Variants in ADAMTS13 observed in about 807,000 individuals in gnomAD.
ADAMTS13 encodes the protein ADAM metallopeptidase with thrombospondin type 1 motif 13, also known as A disintegrin and metalloproteinase with thrombospondin motifs 13.
A neutral mutation model predicts 155.1 loss-of-function variants in ADAMTS13; 110 were observed. The ratio of observed to expected loss-of-function variants is 0.71; its 90% confidence interval spans 0.61 to 0.83. The LOEUF (loss-of-function observed/expected upper bound fraction) is 0.83. Ranked by LOEUF, ADAMTS13 falls within the 40% of genes least tolerant of loss-of-function variation. ADAMTS13 has a pLI of 0.00. For synonymous variants in ADAMTS13, 758 were observed against 756.4 expected (o/e 1.00, Z -0.03); for missense variants, 1,707 against 1,891.7 (o/e 0.90, Z 1.81).
chr9:133,420,091 A>G (rs1462021412), upstream of ADAMTS13, among the ~76,000 whole-genome samples: 1 of 152,078 alleles, frequency 6.6e-6, no homozygotes, highest in Non-Finnish European at 1.5e-5. Context: ...TTTAGTAGAG[A>G]TGGGGTTTCT....
At chr9:133,418,552 C>T (rs1564402057), upstream of ADAMTS13, among the ~76,000 whole-genome samples, 1 of 152,218 alleles carries the variant, frequency 6.6e-6, no homozygotes, top group South Asian at 2.1e-4. Context: ...TCGGCAGACT[C>T]ACGTCTCCAA....
chr9:133,428,841 C>T (rs963520231), intron 7 of ADAMTS13, 70 bp downstream of exon 7: 19 of 1,206,516 alleles, frequency 1.6e-5, no homozygotes, highest in Non-Finnish European at 1.9e-5. Flanking sequence ...CGCCACCTCT[C>T]TCTACGTCCG....
rs148497607 is a variant in ADAMTS13 at position 133,435,498 on chromosome 9, CTT to C, written c.1309-1321_1309-1320del. ...GCCACCGCTCCCGGCCTATGTTTGA[CTT>C]TTTTTTTTTCTTATTTTTTTCTTTC... On this transcript the variant is annotated intron_variant, in intron 11 of 28. Coordinates refer to ENST00000355699, the MANE Select transcript of ADAMTS13 (RefSeq NM_139027.6). Among the ~76,000 whole-genome samples, 22 of 143,210 alleles carry C rather than the reference CTT, an allele frequency of 1.5e-4. 1 individual carries two copies. Among genetic ancestry groups the C allele is most frequent in the Admixed American group, 1.2e-3 (18 of 14,466 alleles). The allele number at this position is 143,210 out of a possible 152,430, so 94.0% of individuals were successfully genotyped here.
intron 12 of ADAMTS13, among the ~76,000 whole-genome samples, chr9:133,437,401 C>T (rs897824391): frequency 2.6e-5 from 4 of 152,130 alleles, no homozygotes; most frequent in Non-Finnish European, 4.4e-5. Context: ...GGACTACAGG[C>T]TTGCACTACC....
rs1554791253 is a variant in ADAMTS13 at position 133,442,683 on chromosome 9, A to G, written c.2174A>G (p.Gln725Arg). 1.9e-6 allele frequency: 3 copies of G among 1,612,956 alleles called. No homozygotes were observed. Among genetic ancestry groups the G allele is most frequent in the Non-Finnish European group, 2.5e-6 (3 of 1,180,010 alleles). Residue 725 changes from glutamine to arginine, a missense_variant, in exon 18 of 29, where the codon CAA (glutamine) becomes CGA (arginine). Gln to Arg is a conservative substitution (Grantham distance 43). Coordinates refer to ENST00000355699, the MANE Select transcript of ADAMTS13 (RefSeq NM_139027.6). ...RKELVETVQC[Q>R]GSQQPPAWPE... Reference sequence around the variant, plus strand: ...GAGTTGGTGGAGACTGTCCAGTGCCAAGGGAGCCAGCAGCCACCAGCGTGG... The same window carrying G: ...GAGTTGGTGGAGACTGTCCAGTGCCGAGGGAGCCAGCAGCCACCAGCGTGG...
chr9:133,424,321 G>T lies in ADAMTS13; in HGVS notation c.173G>T (p.Gly58Val). ...CTCTGCTCTCCCTCTCCCCCTCCAG[G>T]CCGCCCTCCTTCCCCTGGCTTCCAG... ...SYLSPGAPLKGRPPSPGFQRQ... is the reference protein window; with the variant it reads ...SYLSPGAPLKVRPPSPGFQRQ... Residue 58 changes from glycine to valine, a missense_variant and splice_region_variant, in exon 3 of 29, where the codon GGC (glycine) becomes GTC (valine). Coordinates refer to ENST00000355699, the MANE Select transcript of ADAMTS13 (RefSeq NM_139027.6). The surrounding 1 kb of genome is among the most constrained non-coding windows in gnomAD (Gnocchi z 4.3). 1.2e-6 allele frequency: 2 copies of T among 1,612,042 alleles called. No individual in the cohort carries two copies. Among genetic ancestry groups the T allele is most frequent in the Non-Finnish European group, 1.7e-6 (2 of 1,179,888 alleles).
Position 133,445,671 on chromosome 9 carries a change from C to G in ADAMTS13, c.2611-28C>G, listed in dbSNP as rs781951641. 1.9e-6 allele frequency: 3 copies of G among 1,612,534 alleles called. No individual in the cohort carries two copies. The highest frequency in any genetic ancestry group is 1.7e-6 in the Non-Finnish European group (2 of 1,179,824). ...GCTGGGTCCTCAGAGGAGGCCCAGA[C>G]CCACCAGCTTGTTGCTATTCCCCAC... On this transcript the variant is annotated intron_variant, in intron 20 of 28. Coordinates refer to ENST00000355699, the MANE Select transcript of ADAMTS13 (RefSeq NM_139027.6). This position sits in a 1 kb window ranked among gnomAD's most constrained non-coding sequence, Gnocchi z 5.0.
intron 15 of ADAMTS13, 106 bp downstream of exon 15, chr9:133,439,552 T>C: frequency 1.0e-6 from 1 of 987,706 alleles, no homozygotes; most frequent in Non-Finnish European, 1.6e-6. Context: ...TTCAGGGGGT[T>C]CCCCAAACCA....
In ADAMTS13 at chr9:133,442,412, A is replaced by G. The variant is rs936614568; in HGVS notation, c.1982A>G (p.Tyr661Cys). 6.2e-7 allele frequency: 1 copy of G among 1,613,926 alleles called. No individual in the cohort carries two copies. Among genetic ancestry groups the G allele is most frequent in the Non-Finnish European group, 8.5e-7 (1 of 1,180,032 alleles). ...EDADIQVYRR[Y>C]GEEYGNLTRP... ...CTTTGTCTGCAGGTTTACAGGCGGT[A>G]TGGCGAGGAGTATGGCAACCTCACC... is the stretch of plus-strand genomic sequence containing the variant. Residue 661 changes from tyrosine (Y) to cysteine (C), a missense_variant, in exon 17 of 29, where the codon TAT becomes TGT. Around this residue, in one of 3 missense-constraint regions of ADAMTS13, gnomAD observed 961 missense variants for 1,107.9 expected, o/e 0.87. Coordinates refer to ENST00000355699, the MANE Select transcript of ADAMTS13 (RefSeq NM_139027.6).
Position 133,440,041 on chromosome 9 carries a change from G to A in ADAMTS13, c.1787-303G>A, listed in dbSNP as rs587719768. ...AAGGCCCGCTTCTTTGCTATTGAGG[G>A]CCACAGTGGGTCTTTCTGGAGTGTG... On this transcript the variant is annotated intron_variant, in intron 15 of 28. Transcript: ENST00000355699. The surrounding 1 kb of genome is among the most constrained non-coding windows in gnomAD (Gnocchi z 4.3). 6.7e-4 allele frequency among the ~76,000 whole-genome samples: 102 copies of A among 152,374 alleles called. No homozygotes were observed. Among genetic ancestry groups the A allele is most frequent in the Non-Finnish European group, 1.3e-3 (86 of 68,044 alleles).
intron 23 of ADAMTS13, among the ~76,000 whole-genome samples, chr9:133,452,264 C>T (rs1419826932): frequency 6.6e-6 from 1 of 151,952 alleles, no homozygotes; most frequent in Non-Finnish European, 1.5e-5. Context: ...AGGTGCCCGC[C>T]ACCACCCCCA....
In ADAMTS13 at chr9:133,444,935, T is replaced by C. The variant is rs781898935; in HGVS notation, c.2493T>C (p.Cys831=). 3 of 1,613,346 alleles carry C rather than the reference T, an allele frequency of 1.9e-6. No individual in the cohort carries two copies. The African/African-American group carries it at 4.0e-5, about 22-fold the overall frequency. Residue 831 remains cysteine, a synonymous_variant, in exon 20 of 29, where the codon TGT becomes TGC. Transcript: ENST00000355699. ...GAGLALENET[C]VPGADGLEAP... is the part of the protein sequence containing the mutation. ...GCCTGGCCTTGGAGAACGAGACCTG[T>C]GTGCCAGGGGCAGATGGCCTGGAGG...
At position 133,424,479 on chromosome 9, in the gene ADAMTS13, G is replaced by A. The variant is rs375415632; in HGVS notation, c.330+1G>A. 2 of 1,612,710 alleles carry A rather than the reference G, an allele frequency of 1.2e-6. No individual in the cohort carries two copies. Among genetic ancestry groups the A allele is most frequent in the Non-Finnish European group, 1.7e-6 (2 of 1,179,418 alleles). On this transcript the variant is annotated splice_donor_variant, in intron 3 of 28. Transcript: ENST00000355699. LOFTEE classifies it high-confidence loss of function. This position sits in a 1 kb window ranked among gnomAD's most constrained non-coding sequence, Gnocchi z 4.3. ...CTATGTGCTCACCAACCTCAACATC[G>A]TGAGTGCCCCACGCTGGACTGTGCA...
At chr9:133,414,883 C>G (rs1839476781) in intron 1 of ADAMTS13, 8 of 1,614,140 alleles carry the variant, frequency 5.0e-6, no homozygotes, top group Non-Finnish European at 5.9e-6. Flanking sequence ...CTGCCGGCAT[C>G]TCCTCTCCCT....
chr9:133,420,132 G>C (rs1229986895), upstream of ADAMTS13, among the ~76,000 whole-genome samples: 1 of 152,248 alleles, frequency 6.6e-6, no homozygotes, highest in Non-Finnish European at 1.5e-5. Context: ...TGGATCTCCA[G>C]ACATCAGGTG....
intron 21 of ADAMTS13, among the ~76,000 whole-genome samples, chr9:133,447,776 T>C (rs655911): frequency 0.29 from 43,493 of 151,444 alleles, 6,913 homozygotes; most frequent in East Asian, 0.65. Context: ...TTTATTTTAT[T>C]AGAGAGGGGG....
chr9:133,435,267 A>G (rs977851817), intron 11 of ADAMTS13, among the ~76,000 whole-genome samples: 1 of 150,516 alleles, frequency 6.6e-6, no homozygotes, highest in Non-Finnish European at 1.5e-5. Flanking sequence ...GCTCCCTGCA[A>G]CCTTCGCCTC....
intron 16 of ADAMTS13, among the ~76,000 whole-genome samples, chr9:133,442,057 G>T (rs979349197): frequency 6.6e-5 from 10 of 152,196 alleles, no homozygotes; most frequent in Admixed American, 6.5e-4. Flanking sequence ...AGTGTCCTGT[G>T]CACTGTGCTA....
intron 9 of ADAMTS13, 136 bp from the exon 10 acceptor site, chr9:133,433,242 G>GTT (rs1840907461): frequency 2.5e-6 from 3 of 1,220,082 alleles, no homozygotes; most frequent in African/African-American, 1.5e-5. Flanking sequence ...CCTTGTGTGT[G>GTT]TTTGGGGGTC....
Sources: gnomAD v4.1 joint callset for allele counts (sites outside exome capture counted in the v4.1 genomes callset) on GRCh38, gnomAD v4.1.1 for gene constraint, gnomAD v4.1.1 regional missense constraint, Gnocchi (gnomAD v3.1) non-coding constraint, MANE v1.5 for transcripts, NCBI Gene and HGNC (gene_info 2026-07-23, HGNC 2026-07-21) for gene names.